DIP2B: variants seen among roughly 807,000 people sequenced by gnomAD.
The protein encoded by DIP2B is DIP2 acetate--CoA ligase B (putative).
Under a neutral mutation model 198.0 loss-of-function variants are expected in DIP2B, and 76 were observed. That is an observed-to-expected ratio of 0.38 (90% CI 0.32 to 0.46). The LOEUF (loss-of-function observed/expected upper bound fraction) is 0.46, where lower values mean the gene tolerates loss of function less well. Ranked by LOEUF, DIP2B falls within the 20% of genes least tolerant of loss-of-function variation. The pLI, the probability that DIP2B is intolerant of heterozygous loss-of-function variation, is 0.99. For missense variants in DIP2B, 1,559 were observed against 1,978.4 expected (o/e 0.79, Z 4.02); for synonymous variants, 701 against 739.1 (o/e 0.95, Z 0.84).
At chr12:50,744,254 G>A (rs1447823535) in intron 37 of DIP2B, among the ~76,000 whole-genome samples, 9 of 152,210 alleles carry the variant, frequency 5.9e-5, no homozygotes, top group Admixed American at 2.6e-4. Flanking sequence ...CGCCCATGTC[G>A]GCCTCCCAAA....
intron 1 of DIP2B, among the ~76,000 whole-genome samples, chr12:50,537,552 A>G (rs1449347890): frequency 3.3e-5 from 5 of 152,130 alleles, no homozygotes; most frequent in Non-Finnish European, 2.9e-5. Flanking sequence ...CCAGTCAACA[A>G]ATGGCATTGG....
At chr12:50,706,769 C>A in intron 21 of DIP2B, 104 bp downstream of exon 21, 1 of 1,375,066 alleles carries the variant, frequency 7.3e-7, no homozygotes, top group Non-Finnish European at 9.8e-7. Flanking sequence ...TCCAAGTGAT[C>A]AGATTGTTTT....
At chr12:50,527,309 G>A (rs1236447442) in intron 1 of DIP2B, among the ~76,000 whole-genome samples, 1 of 152,216 alleles carries the variant, frequency 6.6e-6, no homozygotes, top group Admixed American at 6.5e-5. Context: ...TGTACACACA[G>A]AGTATTTGTC....
chr12:50,680,971 C>T (rs556019843), intron 9 of DIP2B, among the ~76,000 whole-genome samples: 1 of 152,270 alleles, frequency 6.6e-6, no homozygotes, highest in African/African-American at 2.4e-5. Context: ...ATTCGCATGT[C>T]CTTTCCTGTA....
chr12:50,586,285 A>G (rs1045576814), intron 1 of DIP2B, among the ~76,000 whole-genome samples: 3 of 152,228 alleles, frequency 2.0e-5, no homozygotes, highest in African/African-American at 7.2e-5. Flanking sequence ...AGTCCTGAGT[A>G]GAATGGATTG....
intron 1 of DIP2B, among the ~76,000 whole-genome samples, chr12:50,625,050 T>G (rs930037765): frequency 6.6e-6 from 1 of 152,240 alleles, no homozygotes; most frequent in South Asian, 2.1e-4. Context: ...TTGACTTTTT[T>G]TCCTGTTTTA....
intron 1 of DIP2B, among the ~76,000 whole-genome samples, chr12:50,532,085 C>T (rs1389728047): frequency 6.6e-6 from 1 of 152,102 alleles, no homozygotes; most frequent in Non-Finnish European, 1.5e-5. Context: ...TTCAGGATGC[C>T]AGGAATGACT....
chr12:50,709,592 C>T lies in DIP2B; in HGVS notation c.2649+1030C>T, dbSNP rs575058497. Among the ~76,000 whole-genome samples, 20 of 151,196 alleles carry T rather than the reference C, an allele frequency of 1.3e-4. No homozygotes were observed. The East Asian group carries it at 3.9e-3, about 30-fold the overall frequency. ...GGCGGAGCTTGCAGTGAGCCGAGATCGCGCCACTGCACTCCAGCCTGGGGG... is the reference window on the plus strand; with the variant it reads ...GGCGGAGCTTGCAGTGAGCCGAGATTGCGCCACTGCACTCCAGCCTGGGGG... On this transcript the variant is annotated intron_variant, in intron 22 of 37. Transcript: ENST00000301180.
intron 10 of DIP2B, 35 bp downstream of exon 10, chr12:50,683,283 A>G: frequency 6.5e-7 from 1 of 1,540,642 alleles, no homozygotes; most frequent in Non-Finnish European, 8.9e-7. Flanking sequence ...ATGTAGCCTG[A>G]TGTGACATGG....
At chr12:50,532,592 C>G (rs1429059558) in intron 1 of DIP2B, among the ~76,000 whole-genome samples, 2 of 152,134 alleles carry the variant, frequency 1.3e-5, no homozygotes, top group Non-Finnish European at 2.9e-5. Flanking sequence ...TACAAAAAAA[C>G]CCACCAGCAT....
At chr12:50,531,226 T>A (rs1011724374) in intron 1 of DIP2B, among the ~76,000 whole-genome samples, 1 of 152,098 alleles carries the variant, frequency 6.6e-6, no homozygotes, top group Admixed American at 6.6e-5. Context: ...TTTTTTGTAT[T>A]TTTAGTAGAG....
At chr12:50,690,379 C>G (rs1260808751) in intron 12 of DIP2B, among the ~76,000 whole-genome samples, 1 of 152,194 alleles carries the variant, frequency 6.6e-6, no homozygotes, top group African/African-American at 2.4e-5. Context: ...AGCCACCGCA[C>G]CCAGCCAAAA....
intron 1 of DIP2B, among the ~76,000 whole-genome samples, chr12:50,509,754 G>T (rs1416739661): frequency 6.6e-6 from 1 of 152,122 alleles, no homozygotes; most frequent in African/African-American, 2.4e-5. Flanking sequence ...CCATAAAACT[G>T]GTAAATTCCT....
At chr12:50,603,801 T>A (rs1212436051) in intron 1 of DIP2B, among the ~76,000 whole-genome samples, 1 of 152,156 alleles carries the variant, frequency 6.6e-6, no homozygotes. Flanking sequence ...GGCCCACCAT[T>A]TTATTTATTA....
At chr12:50,593,699 T>TCC in intron 1 of DIP2B, among the ~76,000 whole-genome samples, 1 of 60,536 alleles carries the variant, frequency 1.7e-5, no homozygotes, top group African/African-American at 6.8e-5. Flanking sequence ...TTTTCTCCTC[T>TCC]CCTCTCCCCT....
chr12:50,525,713 C>T (rs1003187768), intron 1 of DIP2B, among the ~76,000 whole-genome samples: 9 of 152,046 alleles, frequency 5.9e-5, no homozygotes, highest in African/African-American at 2.2e-4. Flanking sequence ...GGATCTCACT[C>T]TGTTGCCCAG....
chr12:50,687,189 G>C (rs1339746882), intron 12 of DIP2B, among the ~76,000 whole-genome samples: 1 of 152,214 alleles, frequency 6.6e-6, no homozygotes, highest in East Asian at 1.9e-4. Context: ...GTGCACAGCA[G>C]GCACCAGGCT....
At chr12:50,649,384 A>G (rs1181078927) in intron 3 of DIP2B, among the ~76,000 whole-genome samples, 1 of 152,250 alleles carries the variant, frequency 6.6e-6, no homozygotes, top group Non-Finnish European at 1.5e-5. Flanking sequence ...AGTATGGCAC[A>G]CAGATTAGAA....
chr12:50,587,860 G>T (rs540302658), intron 1 of DIP2B, among the ~76,000 whole-genome samples: 1 of 152,018 alleles, frequency 6.6e-6, no homozygotes, highest in African/African-American at 2.4e-5. Flanking sequence ...TCTGTTTTGG[G>T]GTCTGTCCCA....
Sources: gnomAD v4.1 joint callset for allele counts (sites outside exome capture counted in the v4.1 genomes callset) on GRCh38, gnomAD v4.1.1 for gene constraint, MANE v1.5 for transcripts, NCBI Gene and HGNC (gene_info 2026-07-23, HGNC 2026-07-21) for gene names.